FSTL4: variants seen among roughly 807,000 people sequenced by gnomAD.
FSTL4 encodes follistatin-related protein 4.
A neutral mutation model predicts 78.2 loss-of-function variants in FSTL4; 28 were observed. The observed-to-expected ratio is 0.36, with a 90% CI of 0.27 to 0.49. The LOEUF (loss-of-function observed/expected upper bound fraction) is 0.49. Ranked by LOEUF, FSTL4 falls within the 20% of genes least tolerant of loss-of-function variation. The pLI is 0.98. For missense variants in FSTL4, 922 were observed against 1,084.9 expected (o/e 0.85, Z 2.11); for synonymous variants, 422 against 440.5 (o/e 0.96, Z 0.53).
At chr5:133,833,296 T>C in the FSTL4 span, among the ~76,000 whole-genome samples, 1 of 152,234 alleles carries the variant, frequency 6.6e-6, no homozygotes, top group Non-Finnish European at 1.5e-5. Context: ...TGGGATTTTC[T>C]AAGATAACTA....
intron 2 of FSTL4, chr5:133,583,263 A>G: frequency 2.2e-6 from 1 of 455,748 alleles, no homozygotes; most frequent in Non-Finnish European, 4.4e-6. Context: ...TGGGAATCTT[A>G]CCTCCTCCTT....
At chr5:133,695,734 A>T in the FSTL4 span, among the ~76,000 whole-genome samples, 1 of 152,202 alleles carries the variant, frequency 6.6e-6, no homozygotes, top group Admixed American at 6.5e-5. Context: ...GGGGCCCCAG[A>T]CAAAGCCAGG....
intron 6 of FSTL4, among the ~76,000 whole-genome samples, chr5:133,288,847 C>A (rs531076127): frequency 6.6e-6 from 1 of 152,166 alleles, no homozygotes; most frequent in South Asian, 2.1e-4. Flanking sequence ...TTTTCTGGGT[C>A]GCATGTCCAC....
the FSTL4 span, among the ~76,000 whole-genome samples, chr5:133,823,842 C>T: frequency 6.6e-6 from 1 of 152,306 alleles, no homozygotes; most frequent in East Asian, 1.9e-4. Context: ...GGAGAAAGGG[C>T]CAGATGGGAG....
intron 2 of FSTL4, among the ~76,000 whole-genome samples, chr5:133,600,687 G>A (rs377342735): frequency 3.3e-5 from 5 of 152,118 alleles, no homozygotes; most frequent in South Asian, 2.1e-4. Context: ...GCACACACAC[G>A]CGTTGGTCAT....
chr5:133,634,390 C>CTT, the FSTL4 span, among the ~76,000 whole-genome samples: 8 of 149,766 alleles, frequency 5.3e-5, no homozygotes, highest in African/African-American at 2.0e-4. Flanking sequence ...TTCTCTCTCT[C>CTT]TCTTTTTTTT....
At chr5:133,336,523 C>T (rs185136296) in intron 4 of FSTL4, among the ~76,000 whole-genome samples, 2 of 152,342 alleles carry the variant, frequency 1.3e-5, no homozygotes, top group Non-Finnish European at 2.9e-5. Context: ...TGTGTGAATG[C>T]TCTTCTGTTA....
the FSTL4 span, among the ~76,000 whole-genome samples, chr5:133,681,235 C>T: frequency 4.6e-5 from 7 of 152,206 alleles, no homozygotes; most frequent in Non-Finnish European, 7.3e-5. Context: ...CCTTGGCAAG[C>T]GGTCATTCAC....
chr5:133,445,838 GAA>G (rs1034432001), intron 3 of FSTL4, among the ~76,000 whole-genome samples: 1 of 146,910 alleles, frequency 6.8e-6, no homozygotes, highest in African/African-American at 2.5e-5. Flanking sequence ...TTTTAAAGGA[GAA>G]AAAAAAAAGA....
At chr5:133,315,273 A>C (rs1235565284) in intron 5 of FSTL4, among the ~76,000 whole-genome samples, 1 of 152,212 alleles carries the variant, frequency 6.6e-6, no homozygotes, top group African/African-American at 2.4e-5. Context: ...AGGCACAGCG[A>C]AACGACATTG....
chr5:133,733,747 G>A, the FSTL4 span, among the ~76,000 whole-genome samples: 32 of 152,292 alleles, frequency 2.1e-4, no homozygotes, highest in East Asian at 5.2e-3. Flanking sequence ...TCATGGTTTC[G>A]TGTGTCAGGA....
chr5:133,334,557 T>C (rs1033357094), intron 4 of FSTL4, among the ~76,000 whole-genome samples: 2 of 152,204 alleles, frequency 1.3e-5, no homozygotes, highest in Non-Finnish European at 2.9e-5. Context: ...ATGTTCTCTG[T>C]GGAAGTTCAC....
chr5:133,684,500 G>T, the FSTL4 span, among the ~76,000 whole-genome samples: 1 of 152,174 alleles, frequency 6.6e-6, no homozygotes, highest in Non-Finnish European at 1.5e-5. Context: ...CTTATCCCAG[G>T]CCACTTCTGC....
At chr5:133,688,238 G>A in the FSTL4 span, among the ~76,000 whole-genome samples, 5,957 of 152,142 alleles carry the variant, frequency 0.039, 388 homozygotes, top group African/African-American at 0.13. Flanking sequence ...GTAAAACCCC[G>A]TCTCTACTAA....
At chr5:133,515,674 C>T (rs1006167683) in intron 3 of FSTL4, among the ~76,000 whole-genome samples, 3 of 147,202 alleles carry the variant, frequency 2.0e-5, no homozygotes, top group African/African-American at 7.9e-5. Flanking sequence ...CAAATATCAC[C>T]TGCTTTTTTT....
rs113062650 is a variant in FSTL4 at position 133,277,174 on chromosome 5, G to T, written c.728-27598C>A. ...TAAAAATGAAAAAATAAATTAGCTG[G>T]GTGTGGCGGTGTGCCCCTGTAATCC... On this transcript the variant is annotated intron_variant, in intron 6 of 15. Transcript: ENST00000265342. 7.3e-3 allele frequency among the ~76,000 whole-genome samples: 1,106 copies of T among 152,218 alleles called. 11 individuals are homozygous for T. The highest frequency in any genetic ancestry group is 0.025 in the African/African-American group (1,035 of 41,528).
chr5:133,680,332 G>A, the FSTL4 span, among the ~76,000 whole-genome samples: 1 of 152,164 alleles, frequency 6.6e-6, no homozygotes, highest in African/African-American at 2.4e-5. Flanking sequence ...AAGAGAGGGG[G>A]CACACCTATG....
intron 8 of FSTL4, chr5:133,226,036 C>T: frequency 2.6e-6 from 1 of 386,496 alleles, no homozygotes; most frequent in Non-Finnish European, 4.6e-6. Flanking sequence ...AGACTTTGTA[C>T]CCTATGACTC....
At chr5:133,359,657 A>C (rs1227971034) in intron 4 of FSTL4, among the ~76,000 whole-genome samples, 2 of 152,236 alleles carry the variant, frequency 1.3e-5, no homozygotes, top group African/African-American at 2.4e-5. Context: ...GAATTTAGCC[A>C]CTTATTGTTG....
Sources: allele counts gnomAD v4.1 joint callset (sites outside exome capture counted in the v4.1 genomes callset), GRCh38; gene constraint gnomAD v4.1.1; transcripts MANE v1.5; gene names NCBI Gene and HGNC (gene_info 2026-07-23, HGNC 2026-07-21).